The following SPON1 variants were observed in gnomAD, a reference collection of about 807,000 sequenced individuals.
SPON1 encodes the protein spondin 1.
Under a neutral mutation model 111.7 loss-of-function variants are expected in SPON1, and 52 were observed. The ratio of observed to expected loss-of-function variants is 0.47; its 90% CI spans 0.37 to 0.59. The LOEUF (loss-of-function observed/expected upper bound fraction) is 0.59, where lower values mean the gene tolerates loss of function less well. SPON1 is among the 20% of genes least tolerant of loss of function. The pLI, the probability that SPON1 is intolerant of heterozygous loss-of-function variation, is 0.00. For missense variants in SPON1, 957 were observed against 1,068.5 expected (o/e 0.90, Z 1.46); for synonymous variants, 410 against 395.8 (o/e 1.04, Z -0.43).
At chr11:14,149,255 T>G (rs1847759972) in intron 6 of SPON1, among the ~76,000 whole-genome samples, 1 of 152,106 alleles carries the variant, frequency 6.6e-6, no homozygotes. Flanking sequence ...TGTAAAGGCT[T>G]AAGCACATTT....
intron 6 of SPON1, among the ~76,000 whole-genome samples, chr11:14,161,245 C>CTATATATTTATATATTTA (rs1158330816): frequency 2.6e-5 from 1 of 39,066 alleles, no homozygotes; most frequent in South Asian, 7.5e-4. Context: ...ATTTATATAT[C>CTATATATTTATATATTTA]TATATATTTA....
intron 6 of SPON1, among the ~76,000 whole-genome samples, chr11:14,146,420 G>C (rs1278681935): frequency 6.6e-6 from 1 of 152,042 alleles, no homozygotes; most frequent in African/African-American, 2.4e-5. Flanking sequence ...AAAGTTCTGG[G>C]ATTACAGGCG....
At chr11:14,190,474 T>C (rs1220026892) in intron 6 of SPON1, among the ~76,000 whole-genome samples, 3 of 151,436 alleles carry the variant, frequency 2.0e-5, no homozygotes, top group Non-Finnish European at 4.4e-5. Context: ...CTTTCCTCCT[T>C]CTTCCTTCCT....
intron 6 of SPON1, among the ~76,000 whole-genome samples, chr11:14,216,393 C>A (rs1011798416): frequency 5.3e-5 from 8 of 152,172 alleles, no homozygotes; most frequent in African/African-American, 1.2e-4. Context: ...TGCCTCCCCC[C>A]ATGAGGAGTA....
At chr11:13,983,017 T>A in intron 2 of SPON1, 64 bp downstream of exon 2, 1 of 1,154,584 alleles carries the variant, frequency 8.7e-7, no homozygotes, top group Non-Finnish European at 1.3e-6. Context: ...GCTGGAGAGG[T>A]ACAAGTGTCT....
At chr11:13,969,490 A>G (rs1047741539) in intron 1 of SPON1, among the ~76,000 whole-genome samples, 2 of 152,220 alleles carry the variant, frequency 1.3e-5, no homozygotes, top group Admixed American at 6.5e-5. Context: ...AAGAGGAAGC[A>G]GCAAAGAATG....
chr11:14,090,142 C>G (rs1370217167), intron 5 of SPON1, among the ~76,000 whole-genome samples: 1 of 149,206 alleles, frequency 6.7e-6, no homozygotes, highest in Non-Finnish European at 1.5e-5. Flanking sequence ...AGCCCCCTTT[C>G]CAGGGGAGTG....
chr11:14,263,387 G>T (rs1554942125), intron 15 of SPON1, among the ~76,000 whole-genome samples: 6 of 152,276 alleles, frequency 3.9e-5, no homozygotes, highest in Non-Finnish European at 1.5e-5. Context: ...ATGTGTCAAA[G>T]GAGTCTTGTC....
At chr11:14,049,903 A>C (rs1184119236) in intron 3 of SPON1, among the ~76,000 whole-genome samples, 1 of 152,172 alleles carries the variant, frequency 6.6e-6, no homozygotes, top group Non-Finnish European at 1.5e-5. Context: ...AATGTGTACT[A>C]TATTATTCAA....
At chr11:14,258,039 T>G in intron 11 of SPON1, 141 bp downstream of exon 11, 2 of 669,886 alleles carry the variant, frequency 3.0e-6, no homozygotes, top group Non-Finnish European at 4.7e-6. Flanking sequence ...GGCAAACTCC[T>G]ATCTGCAACA....
chr11:14,256,514 T>G (rs1039964785), intron 9 of SPON1, 103 bp from the exon 10 acceptor site: 124 of 763,456 alleles, frequency 1.6e-4, no homozygotes, highest in Middle Eastern at 4.7e-4. Context: ...GGCATACGAT[T>G]TGTATACAGA....
chr11:14,200,250 G>A (rs1019216978), intron 6 of SPON1, among the ~76,000 whole-genome samples: 11 of 152,172 alleles, frequency 7.2e-5, no homozygotes, highest in African/African-American at 2.7e-4. Flanking sequence ...TAAGCTCCTT[G>A]AGACCAAGAA....
chr11:14,016,610 C>G (rs147849241), intron 2 of SPON1, among the ~76,000 whole-genome samples: 209 of 151,548 alleles, frequency 1.4e-3, no homozygotes, highest in Middle Eastern at 0.014. Context: ...TATTTTTATA[C>G]TCACATTAAA....
At chr11:14,006,145 A>G (rs1848358842) in intron 2 of SPON1, among the ~76,000 whole-genome samples, 1 of 152,180 alleles carries the variant, frequency 6.6e-6, no homozygotes, top group African/African-American at 2.4e-5. Flanking sequence ...AAAGTGAGCT[A>G]TAATCTGGGA....
chr11:14,157,255 C>T (rs1026416105), intron 6 of SPON1, among the ~76,000 whole-genome samples: 3 of 152,082 alleles, frequency 2.0e-5, no homozygotes, highest in Admixed American at 2.0e-4. Flanking sequence ...AAAGAATTCT[C>T]AGTTCTTATT....
rs534097716 is a variant in SPON1, at chr11:13,963,503, G to A, written c.238+361G>A. 5.3e-5 allele frequency among the ~76,000 whole-genome samples: 8 copies of A among 152,294 alleles called. No homozygotes were observed. The East Asian group carries it at 1.5e-3, about 30-fold the overall frequency. On this transcript the variant is annotated intron_variant, in intron 1 of 15. Coordinates refer to ENST00000576479, the MANE Select transcript of SPON1 (RefSeq NM_006108.4). ...AAGTAAAACTGCCTTTCTCCAAATCGGTCTGGAGGGGACCCAGGCTTCTCT... is the reference window on the plus strand; with the variant it reads ...AAGTAAAACTGCCTTTCTCCAAATCAGTCTGGAGGGGACCCAGGCTTCTCT...
chr11:14,069,912 A>G (rs2618505), intron 3 of SPON1, among the ~76,000 whole-genome samples: 151,960 of 152,186 alleles, frequency 1, 75,868 homozygotes, highest in Middle Eastern at 1. Flanking sequence ...TTCTTCTCCC[A>G]TGGGCCCACT....
intron 6 of SPON1, among the ~76,000 whole-genome samples, chr11:14,216,141 C>T (rs1848623872): frequency 6.6e-6 from 1 of 152,150 alleles, no homozygotes; most frequent in South Asian, 2.1e-4. Flanking sequence ...TTTTTCTCCT[C>T]TTAATATCTT....
At chr11:14,231,852 T>C (rs1848807333) in intron 6 of SPON1, among the ~76,000 whole-genome samples, 1 of 152,128 alleles carries the variant, frequency 6.6e-6, no homozygotes. Context: ...TGTGTGAGTT[T>C]TGTGCATAAG....
Sources: gnomAD v4.1 joint callset for allele counts (sites outside exome capture counted in the v4.1 genomes callset) on GRCh38, gnomAD v4.1.1 for gene constraint, MANE v1.5 for transcripts, NCBI Gene and HGNC (gene_info 2026-07-23, HGNC 2026-07-21) for gene names.